ATP9B: variants seen among roughly 807,000 people sequenced by gnomAD.
ATP9B encodes the protein probable phospholipid-transporting ATPase IIB.
ATP9B carries 110 observed loss-of-function variants against 146.1 expected under a neutral mutation model. That is an observed-to-expected ratio of 0.75 (90% CI 0.65 to 0.88). ATP9B has a LOEUF of 0.88. Among genes scored for constraint, ATP9B ranks in the 40% least tolerant of loss-of-function variants. The pLI is 0.00. For synonymous variants in ATP9B, 604 were observed against 569.7 expected (o/e 1.06, Z -0.86); for missense variants, 1,499 against 1,496.4 (o/e 1.00, Z -0.03).
At chr18:79,089,740 C>T (rs916273060) in intron 1 of ATP9B, among the ~76,000 whole-genome samples, 3 of 152,144 alleles carry the variant, frequency 2.0e-5, no homozygotes, top group African/African-American at 7.2e-5. Context: ...TATCCGTCAC[C>T]TCCAGCATTT....
chr18:79,086,480 T>A, intron 1 of ATP9B: 1 of 141,324 alleles, frequency 7.1e-6, no homozygotes. Flanking sequence ...TTTAAAAAAT[T>A]ATTTACACTT....
At chr18:79,286,724 T>G (rs1025056412) in intron 13 of ATP9B, among the ~76,000 whole-genome samples, 7 of 152,158 alleles carry the variant, frequency 4.6e-5, no homozygotes, top group Admixed American at 4.6e-4. Flanking sequence ...CTTCCAGTTT[T>G]GGCCCATTCA....
At chr18:79,104,403 G>T (rs1197350536) in intron 2 of ATP9B, among the ~76,000 whole-genome samples, 1 of 152,162 alleles carries the variant, frequency 6.6e-6, no homozygotes, top group Non-Finnish European at 1.5e-5. Context: ...CACAGACCCT[G>T]TGTGTTGTGG....
chr18:79,193,117 G>A (rs2095384125), intron 8 of ATP9B, 66 bp from the exon 9 acceptor site: 2 of 1,209,794 alleles, frequency 1.7e-6, no homozygotes, highest in Non-Finnish European at 2.4e-6. Context: ...ATCAGCAAAT[G>A]AGAAATTTCC....
At chr18:79,176,710 T>C (rs377235830) in intron 7 of ATP9B, 103 bp from the exon 8 acceptor site, 5 of 853,904 alleles carry the variant, frequency 5.9e-6, no homozygotes, top group African/African-American at 5.1e-5. Flanking sequence ...GTTATTTCTT[T>C]GTCCTACTGT....
chr18:79,376,214 C>CACACACACAAAAA, intron 29 of ATP9B: 32 of 884,856 alleles, frequency 3.6e-5, no homozygotes, highest in South Asian at 5.5e-5. Context: ...CACACACACA[C>CACACACACAAAAA]AAAACAAAAC....
At chr18:79,372,793 G>A (rs3817178) in intron 26 of ATP9B, 32 bp from the exon 27 acceptor site, 411,297 of 1,473,228 alleles carry the variant, frequency 0.28, 60,760 homozygotes, top group East Asian at 0.51. Flanking sequence ...GTGGTTCTGC[G>A]CACTAACGAC....
At chr18:79,126,593 T>C (rs1276973688) in intron 5 of ATP9B, among the ~76,000 whole-genome samples, 1 of 152,238 alleles carries the variant, frequency 6.6e-6, no homozygotes, top group Admixed American at 6.5e-5. Flanking sequence ...TGTGTACACA[T>C]ATATACAAAT....
chr18:79,347,749 C>G, intron 23 of ATP9B, 21 bp from the exon 24 acceptor site: 1 of 1,517,560 alleles, frequency 6.6e-7, no homozygotes, highest in Non-Finnish European at 8.8e-7. Flanking sequence ...TTTGAAAAGG[C>G]CCCGTGTGCT....
intron 13 of ATP9B, among the ~76,000 whole-genome samples, chr18:79,291,433 T>G (rs1412719600): frequency 6.6e-6 from 1 of 152,236 alleles, no homozygotes; most frequent in Non-Finnish European, 1.5e-5. Flanking sequence ...TAATTTTGTA[T>G]TACAGACTCT....
At chr18:79,371,142 G>A (rs1247049409) in intron 26 of ATP9B, among the ~76,000 whole-genome samples, 1 of 152,142 alleles carries the variant, frequency 6.6e-6, no homozygotes, top group African/African-American at 2.4e-5. Flanking sequence ...GGGAGGCCGA[G>A]GTGGGCGGAT....
At chr18:79,151,182 T>C (rs961314380) in intron 6 of ATP9B, among the ~76,000 whole-genome samples, 1 of 152,220 alleles carries the variant, frequency 6.6e-6, no homozygotes, top group Admixed American at 6.5e-5. Context: ...CGCATTTCAC[T>C]ATTTCAAAAC....
At position 79,378,147 on chromosome 18, in the gene ATP9B, C is replaced by T. The variant is rs771440330; in HGVS notation, c.*764C>T. 10 of 152,244 alleles carry T rather than the reference C, an allele frequency of 6.6e-5. No homozygotes were observed. Among genetic ancestry groups the T allele is most frequent in the African/African-American group, 9.6e-5 (4 of 41,466 alleles). The allele number at this position is 152,244 out of a possible 1,614,324, so 9.4% of individuals were successfully genotyped here. Reference sequence around the variant, plus strand: ...ATAAAATTGAGGCTCCACGGAGGCCCGTGTCCACATCAGCTGCAGCTCCCA... The same window carrying T: ...ATAAAATTGAGGCTCCACGGAGGCCTGTGTCCACATCAGCTGCAGCTCCCA... On this transcript the variant is annotated 3_prime_UTR_variant, in exon 30 of 30. Transcript: ENST00000426216.
chr18:79,113,076 A>G (rs949265174), intron 3 of ATP9B, among the ~76,000 whole-genome samples, 165 bp from the exon 4 acceptor site: 1 of 152,200 alleles, frequency 6.6e-6, no homozygotes, highest in African/African-American at 2.4e-5. Context: ...TGATACAGCT[A>G]TTAGAAAGCC....
At chr18:79,235,819 C>T (rs1299454563) in intron 11 of ATP9B, among the ~76,000 whole-genome samples, 2 of 151,894 alleles carry the variant, frequency 1.3e-5, no homozygotes, top group Non-Finnish European at 1.5e-5. Context: ...AGTTTCCCAT[C>T]GTTGTGTGTC....
At chr18:79,144,876 A>T (rs1224890623) in intron 6 of ATP9B, 2 of 156,640 alleles carry the variant, frequency 1.3e-5, no homozygotes, top group Non-Finnish European at 2.8e-5. Context: ...TAAAAAATTT[A>T]AGAGGGAAAA....
intron 5 of ATP9B, among the ~76,000 whole-genome samples, chr18:79,142,081 C>T (rs1026864181): frequency 2.6e-5 from 4 of 152,202 alleles, no homozygotes; most frequent in Non-Finnish European, 5.9e-5. Flanking sequence ...TATTTTGTTA[C>T]TGTACTCTGT....
intron 17 of ATP9B, among the ~76,000 whole-genome samples, chr18:79,334,895 C>T (rs1262914078): frequency 1.3e-5 from 2 of 152,152 alleles, no homozygotes; most frequent in Admixed American, 1.3e-4. Flanking sequence ...CTCCCTCCCA[C>T]ATCTGCCCAG....
intron 4 of ATP9B, among the ~76,000 whole-genome samples, chr18:79,121,721 T>C (rs1313557465): frequency 6.6e-6 from 1 of 152,212 alleles, no homozygotes; most frequent in Non-Finnish European, 1.5e-5. Flanking sequence ...CGTACACATG[T>C]GTTACTTATT....
Sources: gnomAD v4.1 joint callset for allele counts (sites outside exome capture counted in the v4.1 genomes callset) on GRCh38, gnomAD v4.1.1 for gene constraint, MANE v1.5 for transcripts, NCBI Gene and HGNC (gene_info 2026-07-23, HGNC 2026-07-21) for gene names.